The following CLIC5 variants were observed in gnomAD, a reference collection of about 807,000 sequenced individuals.
CLIC5 encodes CLIC family member 5.
In CLIC5, 20 loss-of-function variants were observed where a neutral mutation model predicts 24.7. That is an observed-to-expected ratio of 0.81 (90% CI 0.57 to 1.18). The LOEUF (loss-of-function observed/expected upper bound fraction) is 1.18, where lower values mean the gene tolerates loss of function less well. Ranked by LOEUF, CLIC5 falls within the 50% of genes most tolerant of loss-of-function variation. CLIC5 has a pLI of 0.00. For synonymous variants in CLIC5, 159 were observed against 135.6 expected (o/e 1.17, Z -1.20); for missense variants, 341 against 326.1 (o/e 1.05, Z -0.35).
chr6:46,017,382 A>T (rs1767049041), upstream of CLIC5, among the ~76,000 whole-genome samples: 6 of 152,210 alleles, frequency 3.9e-5, no homozygotes, highest in Admixed American at 3.9e-4. Flanking sequence ...TACATGTGTG[A>T]ACTTGTATAA....
intron 1 of CLIC5, among the ~76,000 whole-genome samples, chr6:46,042,104 T>C (rs1027892406): frequency 6.6e-6 from 1 of 152,156 alleles, no homozygotes; most frequent in Non-Finnish European, 1.5e-5. Context: ...TTGATTTTTG[T>C]CTCATGTCAG....
chr6:46,086,361 G>A, the CLIC5 span, among the ~76,000 whole-genome samples: 59 of 152,354 alleles, frequency 3.9e-4, no homozygotes, highest in East Asian at 3.9e-3. Context: ...GCTGTAGACC[G>A]GAGCTGTTGC....
the CLIC5 span, among the ~76,000 whole-genome samples, chr6:46,103,743 A>G: frequency 2.6e-5 from 4 of 151,954 alleles, no homozygotes; most frequent in Admixed American, 2.6e-4. Context: ...ATCTGAGTTG[A>G]TTTTTTTCAG....
chr6:45,919,532 T>A (rs1051771125), intron 4 of CLIC5, among the ~76,000 whole-genome samples: 3 of 151,224 alleles, frequency 2.0e-5, no homozygotes, highest in African/African-American at 7.3e-5. Context: ...AACTCCCCTG[T>A]GCTAGGAAGG....
At chr6:46,114,657 T>C in the CLIC5 span, among the ~76,000 whole-genome samples, 1 of 152,348 alleles carries the variant, frequency 6.6e-6, no homozygotes, top group African/African-American at 2.4e-5. Flanking sequence ...TCCTGCCTGC[T>C]TGCATCAATC....
intron 1 of CLIC5, among the ~76,000 whole-genome samples, chr6:46,045,615 T>C (rs886808760): frequency 1.3e-5 from 2 of 152,210 alleles, no homozygotes; most frequent in African/African-American, 4.8e-5. Context: ...TATGGCTCCC[T>C]GTTTGATCAA....
chr6:45,941,989 C>T (rs996792815), intron 3 of CLIC5, among the ~76,000 whole-genome samples: 1 of 152,162 alleles, frequency 6.6e-6, no homozygotes, highest in African/African-American at 2.4e-5. Context: ...AAAGTTCCCT[C>T]TGAGCTTGCC....
At chr6:46,061,487 AGCCAACAAGTT>A (rs1762282737) in intron 1 of CLIC5, among the ~76,000 whole-genome samples, 1 of 152,220 alleles carries the variant, frequency 6.6e-6, no homozygotes, top group African/African-American at 2.4e-5. Context: ...CACCACGCCC[AGCCAACAAGTT>A]GTTTTGACTG....
chr6:45,922,581 G>A (rs1209294069), intron 4 of CLIC5, among the ~76,000 whole-genome samples: 1 of 152,012 alleles, frequency 6.6e-6, no homozygotes, highest in Non-Finnish European at 1.5e-5. Context: ...ACACCAGCAT[G>A]GTAAACATTT....
upstream of CLIC5, among the ~76,000 whole-genome samples, chr6:46,017,313 C>T (rs59441275): frequency 9.0e-3 from 1,362 of 152,096 alleles, 20 homozygotes; most frequent in African/African-American, 0.029. Flanking sequence ...AAATTTATCG[C>T]TTAATAAAAA....
At chr6:46,009,429 A>G (rs536921007) in intron 1 of CLIC5, among the ~76,000 whole-genome samples, 120 of 152,246 alleles carry the variant, frequency 7.9e-4, no homozygotes, top group Non-Finnish European at 1.4e-3. Flanking sequence ...ACCCCTCAGA[A>G]CACAAGCAGT....
At chr6:46,044,636 G>A (rs1360309273) in intron 1 of CLIC5, among the ~76,000 whole-genome samples, 1 of 152,082 alleles carries the variant, frequency 6.6e-6, no homozygotes, top group Non-Finnish European at 1.5e-5. Context: ...GGTTTCTTGG[G>A]GTGAGCCTGG....
chr6:45,959,238 A>G (rs1037568061), intron 1 of CLIC5, among the ~76,000 whole-genome samples: 5 of 152,228 alleles, frequency 3.3e-5, no homozygotes, highest in African/African-American at 1.2e-4. Context: ...AAGATTGTTG[A>G]GGATCCCAGA....
chr6:45,992,222 C>T (rs1012687093), intron 1 of CLIC5, among the ~76,000 whole-genome samples: 1 of 152,202 alleles, frequency 6.6e-6, no homozygotes, highest in African/African-American at 2.4e-5. Context: ...CATTCCTGCA[C>T]ATCCTGTGGG....
At position 46,080,068 on chromosome 6, in the gene CLIC5, C is replaced by T. The variant is rs779927391; in HGVS notation, c.175G>A (p.Val59Met). The change falls in exon 1 of 6, where the codon GTG becomes ATG. Residue 59 changes from valine (V) to methionine (M), a missense_variant. Coordinates refer to the CLIC5 transcript ENST00000185206. ...TCACCCTTAATGGTATAGACTGACA[C>T]AAAATCATACTCATGGGTATTCAGC... 5.2e-6 allele frequency: 8 copies of T among 1,551,662 alleles called. No homozygotes were observed. In the South Asian group the frequency reaches 8.3e-5, roughly 16 times the overall value.
intron 4 of CLIC5, among the ~76,000 whole-genome samples, chr6:45,919,529 CT>C (rs1763169253): frequency 6.6e-6 from 1 of 152,088 alleles, no homozygotes; most frequent in Admixed American, 6.6e-5. Context: ...CCCAACTCCC[CT>C]GTGCTAGGAA....
chr6:45,892,161 C>T (rs1305396778), intron 6 of CLIC5: 3 of 152,198 alleles, frequency 2.0e-5, no homozygotes, highest in Non-Finnish European at 2.9e-5. Flanking sequence ...GACTTGATGG[C>T]AGTCTTTGGG....
chr6:46,105,772 T>C, the CLIC5 span, among the ~76,000 whole-genome samples: 1 of 152,218 alleles, frequency 6.6e-6, no homozygotes, highest in Non-Finnish European at 1.5e-5. Context: ...AATTACTTTG[T>C]ACTCTAAGAG....
At chr6:46,098,901 C>G in the CLIC5 span, among the ~76,000 whole-genome samples, 1 of 152,280 alleles carries the variant, frequency 6.6e-6, no homozygotes, top group South Asian at 2.1e-4. Context: ...CTGAGACTGG[C>G]TTGGTGCCAG....
Sources: allele counts gnomAD v4.1 joint callset (sites outside exome capture counted in the v4.1 genomes callset), GRCh38; gene constraint gnomAD v4.1.1; transcripts MANE v1.5; gene names NCBI Gene and HGNC (gene_info 2026-07-23, HGNC 2026-07-21).